Variants in EFHD1 observed in about 807,000 individuals in gnomAD.
EFHD1 encodes EF-hand domain-containing protein D1.
A neutral mutation model predicts 17.2 loss-of-function variants in EFHD1; 10 were observed. That is an observed-to-expected ratio of 0.58 (90% confidence interval 0.36 to 0.99). The LOEUF is 0.99. Ranked by LOEUF, EFHD1 falls within the 50% of genes least tolerant of loss-of-function variation. The pLI is 0.01. For missense variants in EFHD1, 310 were observed against 327.5 expected (o/e 0.95, Z 0.41); for synonymous variants, 153 against 142.0 (o/e 1.08, Z -0.55).
chr2:232,623,673 CAAAAAAAAAAA>C (rs756932393), intron 1 of EFHD1, among the ~76,000 whole-genome samples: 1 of 86,652 alleles, frequency 1.2e-5, no homozygotes, highest in Non-Finnish European at 2.4e-5. Context: ...AGTCTCTGTC[CAAAAAAAAAAA>C]AAAAAAAAAA....
chr2:232,665,364 G>A (rs1201576144), intron 2 of EFHD1, among the ~76,000 whole-genome samples: 1 of 152,118 alleles, frequency 6.6e-6, no homozygotes, highest in Non-Finnish European at 1.5e-5. Context: ...TGTGTTAGAT[G>A]TGTCTTTATG....
rs182002711 is a variant in EFHD1 at position 232,610,507 on chromosome 2, G to A, written c.14+4334G>A. Among the ~76,000 whole-genome samples, 10 of 152,044 alleles carry A rather than the reference G, an allele frequency of 6.6e-5. No homozygotes were observed. In the East Asian group the frequency reaches 1.2e-3, roughly 18 times the overall value. ...GGAGAATCACTTGAACCCAGGAGGC[G>A]GAGCTTGCAATGAGATAGCACCACT... is the stretch of plus-strand genomic sequence containing the variant. On this transcript the variant is annotated intron_variant, in intron 1 of 3. Coordinates refer to the EFHD1 transcript ENST00000409613.
chr2:232,615,774 A>C (rs1693917577), intron 1 of EFHD1, among the ~76,000 whole-genome samples: 1 of 129,578 alleles, frequency 7.7e-6, no homozygotes, highest in African/African-American at 3.0e-5. Flanking sequence ...CACAACCTCC[A>C]CCTCTCGGGC....
At chr2:232,667,834 G>A (rs561651070) in intron 2 of EFHD1, among the ~76,000 whole-genome samples, 27 of 152,182 alleles carry the variant, frequency 1.8e-4, no homozygotes, top group African/African-American at 5.8e-4. Context: ...CTGGGATTAC[G>A]GGTGTGAGCC....
upstream of EFHD1, chr2:232,633,528 G>T: frequency 7.8e-7 from 1 of 1,275,128 alleles, no homozygotes; most frequent in Non-Finnish European, 9.9e-7. Context: ...CCTTAAAGCC[G>T]CAGCTCCGCC....
chr2:232,610,578 G>A (rs1319715466), intron 1 of EFHD1, among the ~76,000 whole-genome samples: 2 of 151,464 alleles, frequency 1.3e-5, no homozygotes, highest in African/African-American at 2.4e-5. Context: ...CCCCCGCCCC[G>A]AAAAAATATA....
chr2:232,668,149 G>A (rs1023731841), intron 2 of EFHD1, among the ~76,000 whole-genome samples: 4 of 152,164 alleles, frequency 2.6e-5, no homozygotes, highest in Non-Finnish European at 4.4e-5. Flanking sequence ...TCTACCACAT[G>A]CCCGGCTTTG....
At chr2:232,644,297 G>A (rs112460531) in intron 1 of EFHD1, among the ~76,000 whole-genome samples, 1 of 151,856 alleles carries the variant, frequency 6.6e-6, no homozygotes, top group Non-Finnish European at 1.5e-5. Context: ...TTTTCTCATC[G>A]GGGGTGCCAT....
At chr2:232,649,970 CGG>C (rs1280395769) in intron 1 of EFHD1, 1 of 152,194 alleles carries the variant, frequency 6.6e-6, no homozygotes, top group Non-Finnish European at 1.5e-5. Context: ...AGCATCAATA[CGG>C]TGACTTCCCA....
In EFHD1 at chr2:232,646,436, C is replaced by CTTTT. The variant is rs71398729; in HGVS notation, c.302+12453_302+12456dup. Among the ~76,000 whole-genome samples, 57 of 67,182 alleles carry CTTTT rather than the reference C, an allele frequency of 8.5e-4. 2 individuals carry two copies. The highest frequency in any genetic ancestry group is 1.0e-3 in the Non-Finnish European group (37 of 36,504). 44.1% of individuals were successfully genotyped at this position (67,182 alleles called of 152,430 possible). On this transcript the variant is annotated intron_variant, in intron 1 of 3. Transcript: ENST00000264059. ...TCTCTCTTTTCTCTTCTCTTCTCTT[C>CTTTT]TTTTTTTTTTTTTTTTTTTTTTTTT...
intron 1 of EFHD1, among the ~76,000 whole-genome samples, chr2:232,609,999 C>T (rs575115544): frequency 6.6e-6 from 1 of 152,310 alleles, no homozygotes; most frequent in South Asian, 2.1e-4. Flanking sequence ...AAAACACTGG[C>T]TCCTTCTCCA....
rs762337960 is a variant in EFHD1 at position 232,672,462 on chromosome 2, C to A, written c.585+19C>A. ...AGCCAAGGTAGGTGCTTAGTTCCTT[C>A]TGTGAGGAGCAACCACTCCCAGCCT... On this transcript the variant is annotated intron_variant, in intron 3 of 3. Transcript: ENST00000264059. 1 of 1,566,612 alleles carries A rather than the reference C, an allele frequency of 6.4e-7. No individual in the cohort carries two copies. The highest frequency in any genetic ancestry group is 8.6e-7 in the Non-Finnish European group (1 of 1,159,084).
At chr2:232,628,467 A>G (rs1225516263) in intron 1 of EFHD1, among the ~76,000 whole-genome samples, 3 of 152,202 alleles carry the variant, frequency 2.0e-5, no homozygotes, top group African/African-American at 7.2e-5. Context: ...TGACAATCCA[A>G]AAACAAGTGG....
intron 3 of EFHD1, among the ~76,000 whole-genome samples, chr2:232,678,393 G>C (rs919341890): frequency 2.0e-5 from 3 of 152,126 alleles, no homozygotes; most frequent in African/African-American, 4.8e-5. Flanking sequence ...CAAGAAAAAA[G>C]TCATTTAAAT....
At chr2:232,650,433 T>A (rs1409373356) in intron 1 of EFHD1, among the ~76,000 whole-genome samples, 2 of 151,132 alleles carry the variant, frequency 1.3e-5, no homozygotes, top group Non-Finnish European at 2.9e-5. Context: ...TAGCTGGGAT[T>A]ACAGGCATGC....
chr2:232,611,831 C>T (rs1307102556), intron 1 of EFHD1: 1 of 152,262 alleles, frequency 6.6e-6, no homozygotes, highest in African/African-American at 2.4e-5. Context: ...CTGTCAAAGA[C>T]TTCCTGGGAC....
At chr2:232,621,401 C>G (rs2106186673) in intron 1 of EFHD1, among the ~76,000 whole-genome samples, 1 of 152,236 alleles carries the variant, frequency 6.6e-6, no homozygotes. Flanking sequence ...TACAGGCCAT[C>G]GATTGTCATA....
intron 1 of EFHD1, among the ~76,000 whole-genome samples, chr2:232,617,652 CAAA>C (rs1192954692): frequency 1.0e-5 from 1 of 99,218 alleles, no homozygotes. Context: ...GACTCCGTCT[CAAA>C]AAAAAAAAAA....
upstream of EFHD1, among the ~76,000 whole-genome samples, chr2:232,629,713 C>A (rs576454094): frequency 5.9e-5 from 9 of 152,142 alleles, no homozygotes; most frequent in South Asian, 1.2e-3. Context: ...AGGTGATCCA[C>A]CCGCCTCGGC....
Sources: gnomAD v4.1 joint callset for allele counts (sites outside exome capture counted in the v4.1 genomes callset) on GRCh38, gnomAD v4.1.1 for gene constraint, MANE v1.5 for transcripts, NCBI Gene and HGNC (gene_info 2026-07-23, HGNC 2026-07-21) for gene names.